PDE4D: variants seen among roughly 807,000 people sequenced by gnomAD.
The protein encoded by PDE4D is phosphodiesterase 4D.
Under a neutral mutation model 87.4 loss-of-function variants are expected in PDE4D, and 24 were observed. The ratio of observed to expected loss-of-function variants is 0.27; its 90% confidence interval spans 0.20 to 0.39. PDE4D has a LOEUF of 0.39. Ranked by LOEUF, PDE4D falls within the 10% of genes least tolerant of loss-of-function variation. PDE4D has a pLI of 1.00. For missense variants in PDE4D, 714 were observed against 1,041.0 expected, an observed-to-expected ratio of 0.69 and a Z score of 4.32; for synonymous variants, 384 against 383.2, an observed-to-expected ratio of 1.00 and a Z score of -0.02.
chr5:59,213,232 G>A (rs1024493562), intron 2 of PDE4D, among the ~76,000 whole-genome samples: 5 of 149,106 alleles, frequency 3.4e-5, no homozygotes, highest in East Asian at 4.0e-4. Flanking sequence ...TGGCATGATC[G>A]TAGCTCACTG....
At chr5:59,023,368 G>A (rs957419985) in intron 6 of PDE4D, among the ~76,000 whole-genome samples, 7 of 151,616 alleles carry the variant, frequency 4.6e-5, no homozygotes, top group Admixed American at 2.0e-4. Flanking sequence ...CTGAGGCTGG[G>A]TGCACTGGCT....
chr5:59,720,134 A>C (rs1401765974), intron 1 of PDE4D, among the ~76,000 whole-genome samples: 1 of 152,110 alleles, frequency 6.6e-6, no homozygotes, highest in Non-Finnish European at 1.5e-5. Flanking sequence ...GTTTTAAGAG[A>C]ATGGTAGACT....
chr5:59,246,234 T>C (rs1758813843), intron 1 of PDE4D, among the ~76,000 whole-genome samples: 1 of 152,062 alleles, frequency 6.6e-6, no homozygotes. Context: ...ACCAACCATT[T>C]TGCTTTTAAA....
intron 1 of PDE4D, among the ~76,000 whole-genome samples, chr5:60,324,785 T>A (rs373546181): frequency 2.0e-5 from 3 of 152,234 alleles, no homozygotes; most frequent in African/African-American, 7.2e-5. Flanking sequence ...GAGGTGATAA[T>A]ACCTACGCCT....
intron 1 of PDE4D, among the ~76,000 whole-genome samples, chr5:60,342,885 A>T (rs2149901652): frequency 6.6e-6 from 1 of 152,288 alleles, no homozygotes; most frequent in South Asian, 2.1e-4. Flanking sequence ...GGAATTTTTT[A>T]ATTTTATGTC....
intron 2 of PDE4D, among the ~76,000 whole-genome samples, chr5:60,013,494 A>T (rs1016468944): frequency 6.6e-6 from 1 of 152,186 alleles, no homozygotes; most frequent in Admixed American, 6.6e-5. Context: ...ATGTGTGTAC[A>T]GTTGTCACAA....
chr5:59,718,119 C>A (rs1755287724), intron 1 of PDE4D, among the ~76,000 whole-genome samples: 1 of 152,144 alleles, frequency 6.6e-6, no homozygotes, highest in Admixed American at 6.6e-5. Flanking sequence ...TTACACTATT[C>A]CCAGTGATAT....
intron 1 of PDE4D, among the ~76,000 whole-genome samples, chr5:59,489,123 A>G (rs1212683852): frequency 6.6e-6 from 1 of 151,990 alleles, no homozygotes; most frequent in African/African-American, 2.4e-5. Context: ...CATCTCTACT[A>G]AAAATACAAA....
At chr5:60,171,778 G>A (rs1783451460) in intron 2 of PDE4D, among the ~76,000 whole-genome samples, 1 of 151,932 alleles carries the variant, frequency 6.6e-6, no homozygotes, top group African/African-American at 2.4e-5. Flanking sequence ...TTATAAAAAA[G>A]AAACTGAATA....
rs146585731 is a variant in PDE4D at position 59,575,374 on chromosome 5, C to T, written c.455+317794G>A. ...GGAGATAATTTACAGACTTTTATCT[C>T]ACCAGCAAGATAAAACATACATATC... On this transcript the variant is annotated intron_variant, in intron 1 of 14. Transcript: ENST00000340635. 7.5e-3 allele frequency among the ~76,000 whole-genome samples: 1,138 copies of T among 152,234 alleles called. 15 individuals carry two copies. Among genetic ancestry groups the T allele is most frequent in the African/African-American group, 0.026 (1,088 of 41,530 alleles).
At chr5:59,782,809 T>A (rs1288752242) in intron 1 of PDE4D, among the ~76,000 whole-genome samples, 2 of 152,228 alleles carry the variant, frequency 1.3e-5, no homozygotes, top group African/African-American at 2.4e-5. Context: ...TATGACTGTA[T>A]TTGGAGACTT....
chr5:60,291,818 G>T lies in PDE4D; in HGVS notation c.-89-106131C>A, dbSNP rs568895957. On this transcript the variant is annotated intron_variant, in intron 1 of 16. Coordinates refer to the PDE4D transcript ENST00000502484. ...TTTGACCTGGTAGTTTCACTTCCGGGAATCTATTCTAAGTAAATAATCCAA... is the reference window on the plus strand; with the variant it reads ...TTTGACCTGGTAGTTTCACTTCCGGTAATCTATTCTAAGTAAATAATCCAA... 3.3e-5 allele frequency among the ~76,000 whole-genome samples: 5 copies of T among 152,212 alleles called. No homozygotes were observed. In the East Asian group the frequency reaches 7.7e-4, roughly 24 times the overall value.
intron 5 of PDE4D, among the ~76,000 whole-genome samples, chr5:59,169,507 G>T (rs1401916543): frequency 1.3e-5 from 2 of 152,116 alleles, no homozygotes; most frequent in African/African-American, 4.8e-5. Context: ...TATTTTGAGA[G>T]ATAACAGATG....
chr5:59,364,461 T>C (rs996145558), intron 1 of PDE4D, among the ~76,000 whole-genome samples: 1 of 152,238 alleles, frequency 6.6e-6, no homozygotes, highest in African/African-American at 2.4e-5. Context: ...ATTGGTCAGA[T>C]GATATCCAGT....
intron 1 of PDE4D, among the ~76,000 whole-genome samples, chr5:60,423,129 G>C (rs114896090): frequency 1.3e-5 from 2 of 152,104 alleles, no homozygotes; most frequent in African/African-American, 2.4e-5. Context: ...ATATTAGACC[G>C]ATCAACCAGA....
chr5:59,872,657 C>T (rs114281230), intron 1 of PDE4D, among the ~76,000 whole-genome samples: 38 of 152,264 alleles, frequency 2.5e-4, no homozygotes, highest in African/African-American at 9.1e-4. Flanking sequence ...ATTCATCTTG[C>T]CCATTAATAT....
chr5:59,848,102 A>T (rs1269935359), intron 1 of PDE4D, among the ~76,000 whole-genome samples: 1 of 152,074 alleles, frequency 6.6e-6, no homozygotes, highest in Non-Finnish European at 1.5e-5. Context: ...GACGATAAAA[A>T]TCTGGCTGGT....
intron 1 of PDE4D, among the ~76,000 whole-genome samples, chr5:60,350,651 C>T (rs371079147): frequency 4.6e-5 from 7 of 152,114 alleles, no homozygotes; most frequent in South Asian, 2.1e-4. Context: ...GTTGTCAACA[C>T]GCAGGATGCA....
intron 6 of PDE4D, among the ~76,000 whole-genome samples, chr5:59,032,161 A>G (rs1285086882): frequency 6.6e-6 from 1 of 152,252 alleles, no homozygotes; most frequent in African/African-American, 2.4e-5. Flanking sequence ...AAATCTTTCT[A>G]TGATGTACAC....
Sources: gnomAD v4.1 joint callset for allele counts (sites outside exome capture counted in the v4.1 genomes callset) on GRCh38, gnomAD v4.1.1 for gene constraint, MANE v1.5 for transcripts, NCBI Gene and HGNC (gene_info 2026-07-23, HGNC 2026-07-21) for gene names.